Variants in LARP7 observed in about 807,000 individuals in gnomAD.
LARP7 encodes La ribonucleoprotein 7, transcriptional regulator, also known as la-related protein 7.
Under a neutral mutation model 69.3 loss-of-function variants are expected in LARP7, and 52 were observed. The ratio of observed to expected loss-of-function variants is 0.75; its 90% CI spans 0.60 to 0.95. The LOEUF (loss-of-function observed/expected upper bound fraction) is 0.95, where lower values mean the gene tolerates loss of function less well. Among genes scored for constraint, LARP7 ranks in the 40% least tolerant of loss-of-function variants. The pLI is 0.00. For missense variants in LARP7, 733 were observed against 673.0 expected (o/e 1.09, Z -0.99); for synonymous variants, 254 against 215.9 (o/e 1.18, Z -1.55).
chr4:112,640,650 A>G (rs1171300477), intron 1 of LARP7, among the ~76,000 whole-genome samples: 1 of 152,234 alleles, frequency 6.6e-6, no homozygotes, highest in Non-Finnish European at 1.5e-5. Flanking sequence ...TAGTGAGCCA[A>G]GATTGTGCCA....
intron 8 of LARP7, chr4:112,648,728 T>G: frequency 3.0e-6 from 1 of 328,428 alleles, no homozygotes; most frequent in Non-Finnish European, 6.2e-6. Flanking sequence ...CCACTTCTAT[T>G]TATACTATTC....
chr4:112,638,206 G>C (rs1161702165), intron 1 of LARP7, among the ~76,000 whole-genome samples: 2 of 152,222 alleles, frequency 1.3e-5, no homozygotes, highest in Non-Finnish European at 2.9e-5. Context: ...TTGGTTGGGA[G>C]AATCGCTTGA....
rs748408446 is a variant in LARP7 at position 112,646,807 on chromosome 4, A to C, written c.404A>C (p.Asn135Thr). ...RTVYVELLPK[N>T]VNHSWIERVF... ...TTATAATAGGAGTTACTTCCCAAAA[A>C]TGTTAATCACAGCTGGATTGAAAGA... Residue 135 changes from asparagine to threonine, a missense_variant, in exon 5 of 13, where the codon AAT becomes ACT. Physicochemically the swap from Asn to Thr is moderately conservative, Grantham distance 65 (BLOSUM62 0). Coordinates refer to ENST00000344442, the MANE Select transcript of LARP7 (RefSeq NM_016648.4). 1.3e-6 allele frequency: 2 copies of C among 1,587,396 alleles called. No individual in the cohort carries two copies. The highest frequency in any genetic ancestry group is 2.2e-5 in the East Asian group (1 of 44,714).
intron 11 of LARP7, 28 bp downstream of exon 11, chr4:112,653,264 T>C: frequency 2.6e-6 from 4 of 1,546,300 alleles, no homozygotes; most frequent in Non-Finnish European, 3.5e-6. Flanking sequence ...TTTCCTTTTT[T>C]TTTTGTTATC....
chr4:112,652,891 A>G (rs560906248), intron 10 of LARP7, among the ~76,000 whole-genome samples, 186 bp from the exon 11 acceptor site: 1 of 152,236 alleles, frequency 6.6e-6, no homozygotes, highest in African/African-American at 2.4e-5. Flanking sequence ...ACTAGAGTTG[A>G]TATTATTCAA....
Position 112,646,668 on chromosome 4 carries a change from T to C in LARP7, c.384T>C (p.Tyr128=). ...RPKDEDERTV[Y]VELLPKNVNH... ...AGGATGAGGATGAACGCACAGTGTA[T>C]GTGGTAAGCTTAAGAACCCGGGTCC... The change falls in exon 4 of 13, where the codon TAT becomes TAC. Residue 128 remains tyrosine (Y), a synonymous_variant. Transcript: ENST00000344442. 1 of 1,596,684 alleles carries C rather than the reference T, an allele frequency of 6.3e-7. No individual in the cohort carries two copies. The highest frequency in any genetic ancestry group is 8.5e-7 in the Non-Finnish European group (1 of 1,173,684).
chr4:112,645,701 T>A (rs1224124962), intron 2 of LARP7: 1 of 443,102 alleles, frequency 2.3e-6, no homozygotes, highest in Admixed American at 2.5e-5. Context: ...CTGGCATTTT[T>A]AAGAGATATG....
chr4:112,639,479 C>T (rs1261169375), intron 1 of LARP7, among the ~76,000 whole-genome samples: 1 of 152,116 alleles, frequency 6.6e-6, no homozygotes, highest in South Asian at 2.1e-4. Flanking sequence ...ATCCGCCCGC[C>T]TTGGCCTCCC....
At chr4:112,655,670 T>C in intron 12 of LARP7, among the ~76,000 whole-genome samples, 1 of 152,188 alleles carries the variant, frequency 6.6e-6, no homozygotes, top group East Asian at 1.9e-4. Context: ...TCCCCTACTT[T>C]CATGAAGCTA....
intron 9 of LARP7, chr4:112,650,149 CT>C (rs562335739): frequency 5.2e-5 from 11 of 213,332 alleles, no homozygotes; most frequent in Admixed American, 1.1e-4. Context: ...TATCCTTTAA[CT>C]TTTTTTTAAC....
intron 10 of LARP7, among the ~76,000 whole-genome samples, chr4:112,652,009 T>C (rs1480948611): frequency 2.0e-5 from 3 of 151,934 alleles, no homozygotes; most frequent in Middle Eastern, 3.2e-3. Flanking sequence ...TTTTTTTTTT[T>C]TAATTTGGCA....
chr4:112,644,838 C>G lies in LARP7; in HGVS notation c.169C>G (p.Leu57Val). 6.3e-7 allele frequency: 1 copy of G among 1,594,196 alleles called. No homozygotes were observed. The highest frequency in any genetic ancestry group is 8.6e-7 in the Non-Finnish European group (1 of 1,168,816). ...TGCAAATCTTCACAAGGATAGATTT[C>G]TTCGAGAACAGATAGAAAAATCTAG... is the stretch of plus-strand genomic sequence containing the variant. ...GDANLHKDRF[L>V]REQIEKSRDG... Residue 57 changes from leucine to valine, a missense_variant, in exon 2 of 13, where the codon CTT becomes GTT. Physicochemically the swap from Leu to Val is conservative, Grantham distance 32. Coordinates refer to ENST00000344442, the MANE Select transcript of LARP7 (RefSeq NM_016648.4).
chr4:112,647,878 C>A, intron 8 of LARP7, 44 bp downstream of exon 8: 1 of 1,360,296 alleles, frequency 7.4e-7, no homozygotes, highest in Non-Finnish European at 1.1e-6. Context: ...AACAATCCAT[C>A]ACCATTGCTA....
rs1361342183 is a variant in LARP7, at chr4:112,639,853, T to C, written c.-3+2614T>C. Among the ~76,000 whole-genome samples the C allele has an allele frequency of 2.6e-5, 4 of 152,144 alleles. No homozygotes were observed. In the East Asian group the frequency reaches 7.7e-4, roughly 29 times the overall value. On this transcript the variant is annotated intron_variant, in intron 1 of 12. Transcript: ENST00000344442. ...TTGGATAGAATTATTGATAATTGGA[T>C]AATTATCAATAATTTATAATTATAG...
intron 2 of LARP7, among the ~76,000 whole-genome samples, chr4:112,646,001 T>C (rs1035466942): frequency 1.6e-4 from 22 of 135,134 alleles, no homozygotes; most frequent in African/African-American, 7.3e-4. Flanking sequence ...TACAGTTTTT[T>C]TTTGTTTGTT....
At chr4:112,652,422 A>C (rs1256886403) in intron 10 of LARP7, among the ~76,000 whole-genome samples, 2 of 152,048 alleles carry the variant, frequency 1.3e-5, no homozygotes, top group Non-Finnish European at 2.9e-5. Context: ...GCTGTGAAAA[A>C]AAAAGTTGAT....
At chr4:112,642,453 T>A (rs557175363) in intron 1 of LARP7, among the ~76,000 whole-genome samples, 3 of 152,242 alleles carry the variant, frequency 2.0e-5, no homozygotes, top group Non-Finnish European at 4.4e-5. Flanking sequence ...CATGTTTAGT[T>A]GGAGATTTGA....
chr4:112,644,869 G>T lies in LARP7; in HGVS notation c.200G>T (p.Gly67Val). The T allele has an allele frequency of 6.5e-7, 1 of 1,546,868 alleles. No homozygotes were observed. Among genetic ancestry groups the T allele is most frequent in the Non-Finnish European group, 8.7e-7 (1 of 1,143,264 alleles). Residue 67 changes from glycine (G) to valine (V), a missense_variant and splice_region_variant, in exon 2 of 13, where the codon GGA becomes GTA. Physicochemically the swap from Gly to Val is moderately radical, Grantham distance 109. Coordinates refer to ENST00000344442, the MANE Select transcript of LARP7 (RefSeq NM_016648.4). ...GAACAGATAGAAAAATCTAGAGATG[G>T]ATGTAAGTTTGCTTCAGTAAAGGAA... ...LREQIEKSRD[G>V]YVDISLLVSF...
chr4:112,654,077 A>G lies in LARP7; in HGVS notation c.1586A>G (p.Glu529Gly). The G allele has an allele frequency of 6.2e-7, 1 of 1,613,294 alleles. No individual in the cohort carries two copies. The highest frequency in any genetic ancestry group is 1.1e-5 in the South Asian group (1 of 91,078). Residue 529 changes from glutamate to glycine, a missense_variant, in exon 12 of 13, where the codon GAA (glutamate) becomes GGA (glycine). Transcript: ENST00000344442. ...WKLEILSGDH[E>G]QRYWQKILVD... The stretch of plus-strand genomic sequence containing the variant: ...TTTGTTTGTTTTTAAGGTGATCACG[A>G]ACAAAGGTATTGGCAGAAGATTTTG...
Sources: allele counts gnomAD v4.1 joint callset (sites outside exome capture counted in the v4.1 genomes callset), GRCh38; gene constraint gnomAD v4.1.1; transcripts MANE v1.5; gene names NCBI Gene and HGNC (gene_info 2026-07-23, HGNC 2026-07-21).